Variants in RNF150 observed in about 807,000 individuals in gnomAD.
The protein encoded by RNF150 is ring finger protein 150.
Under a neutral mutation model 39.3 loss-of-function variants are expected in RNF150, and 24 were observed. That is an observed-to-expected ratio of 0.61 (90% CI 0.44 to 0.86). RNF150 has a LOEUF of 0.86. RNF150 is among the 40% of genes least tolerant of loss of function. RNF150 has a pLI of 0.00. For synonymous variants in RNF150, 255 were observed against 227.3 expected (o/e 1.12, Z -1.10); for missense variants, 502 against 587.8 (o/e 0.85, Z 1.51).
intron 1 of RNF150, among the ~76,000 whole-genome samples, chr4:140,970,868 T>C (rs1439103378): frequency 3.3e-5 from 5 of 152,090 alleles, no homozygotes; most frequent in Non-Finnish European, 2.9e-5. Context: ...TCATAATACA[T>C]TTCTAGAGTT....
chr4:140,998,116 T>C (rs531969758), intron 1 of RNF150, among the ~76,000 whole-genome samples: 1 of 152,290 alleles, frequency 6.6e-6, no homozygotes, highest in South Asian at 2.1e-4. Context: ...TTGCTTCAGT[T>C]AGGTAACGCA....
At chr4:140,976,905 T>G (rs980673355) in intron 1 of RNF150, among the ~76,000 whole-genome samples, 1 of 152,050 alleles carries the variant, frequency 6.6e-6, no homozygotes, top group Non-Finnish European at 1.5e-5. Flanking sequence ...GTTGAACACC[T>G]GCTATCACCC....
intron 5 of RNF150, among the ~76,000 whole-genome samples, chr4:140,912,959 T>TAAAAAAAAAAAAAA (rs10616886): frequency 7.2e-6 from 1 of 138,140 alleles, no homozygotes. Flanking sequence ...CATCAGAACA[T>TAAAAAAAAAAAAAA]AAAAAAAAAA....
intron 1 of RNF150, among the ~76,000 whole-genome samples, chr4:141,085,429 G>A (rs1560730427): frequency 6.6e-6 from 1 of 152,156 alleles, no homozygotes; most frequent in Non-Finnish European, 1.5e-5. Flanking sequence ...CTAGCCAGGT[G>A]GACAGACAAT....
rs767812930 is a variant in RNF150, at chr4:140,911,152, G to A, written c.1190C>T (p.Thr397Ile). ...PIPQEGDVIF[T>I]TNSEQEPAVS... Reference sequence around the variant, plus strand: ...AGTATGGCAGAACTCACTGTTAGTAGTAAAGATGACGTCTCCCTCCTGGGG... The same window carrying A: ...AGTATGGCAGAACTCACTGTTAGTAATAAAGATGACGTCTCCCTCCTGGGG... Residue 397 changes from threonine to isoleucine, a missense_variant, in exon 6 of 7, where the codon ACT becomes ATT. By Grantham distance (89) the Thr-to-Ile change is moderately conservative. Transcript: ENST00000515673. 1.9e-6 allele frequency: 3 copies of A among 1,613,082 alleles called. No homozygotes were observed. The highest frequency in any genetic ancestry group is 2.5e-6 in the Non-Finnish European group (3 of 1,179,128).
intron 1 of RNF150, among the ~76,000 whole-genome samples, chr4:141,067,558 G>A (rs985782239): frequency 6.6e-6 from 1 of 152,212 alleles, no homozygotes; most frequent in African/African-American, 2.4e-5. Flanking sequence ...TATATGATCA[G>A]AGATGGGGTA....
intron 1 of RNF150, among the ~76,000 whole-genome samples, chr4:141,171,621 T>C (rs1371186409): frequency 6.6e-6 from 1 of 152,234 alleles, no homozygotes; most frequent in Non-Finnish European, 1.5e-5. Flanking sequence ...GGATGAATGC[T>C]ACTTTTGAGC....
intron 1 of RNF150, among the ~76,000 whole-genome samples, chr4:141,119,361 C>T (rs1726542342): frequency 6.6e-6 from 1 of 152,318 alleles, no homozygotes; most frequent in Non-Finnish European, 1.5e-5. Flanking sequence ...CACATCTAGA[C>T]AGGTAGGATT....
chr4:140,990,224 C>A (rs2111477074), intron 1 of RNF150, among the ~76,000 whole-genome samples: 1 of 152,312 alleles, frequency 6.6e-6, no homozygotes, highest in East Asian at 1.9e-4. Flanking sequence ...GCAGAGTATT[C>A]ATTGTCTGGT....
chr4:140,931,072 G>C (rs948777656), intron 4 of RNF150, among the ~76,000 whole-genome samples: 1 of 151,978 alleles, frequency 6.6e-6, no homozygotes, highest in Non-Finnish European at 1.5e-5. Flanking sequence ...TGTGTGTTTG[G>C]GGTGTGGGGA....
intron 6 of RNF150, among the ~76,000 whole-genome samples, chr4:140,882,910 A>G (rs972960137): frequency 1.3e-5 from 2 of 152,068 alleles, no homozygotes; most frequent in African/African-American, 4.8e-5. Flanking sequence ...GTAATTACTG[A>G]TAGGGAAGTA....
At chr4:141,022,379 T>C (rs1735529796) in intron 1 of RNF150, among the ~76,000 whole-genome samples, 1 of 152,128 alleles carries the variant, frequency 6.6e-6, no homozygotes, top group South Asian at 2.1e-4. Context: ...TTGAGGAATG[T>C]ATAGAGTGAC....
At chr4:140,902,760 T>A (rs745754047) in intron 6 of RNF150, among the ~76,000 whole-genome samples, 2 of 152,232 alleles carry the variant, frequency 1.3e-5, no homozygotes, top group Admixed American at 1.3e-4. Flanking sequence ...CAGGGTCCGC[T>A]GCGTATAGGA....
intron 6 of RNF150, among the ~76,000 whole-genome samples, chr4:140,871,590 A>G (rs1460106300): frequency 6.6e-6 from 1 of 152,174 alleles, no homozygotes; most frequent in Non-Finnish European, 1.5e-5. Flanking sequence ...CTGGAAGTCA[A>G]CCAAAGAGCT....
At chr4:141,060,516 T>C (rs6819144) in intron 1 of RNF150, among the ~76,000 whole-genome samples, 113,465 of 152,140 alleles carry the variant, frequency 0.75, 42,407 homozygotes, top group South Asian at 0.85. Context: ...ATAAGGGTTA[T>C]GGTGGATAAT....
chr4:140,902,203 G>A (rs1332480298), intron 6 of RNF150, among the ~76,000 whole-genome samples: 1 of 152,154 alleles, frequency 6.6e-6, no homozygotes, highest in Non-Finnish European at 1.5e-5. Context: ...GGCACATGGA[G>A]AGATATTTAA....
intron 1 of RNF150, among the ~76,000 whole-genome samples, chr4:141,090,811 GTTTTT>G (rs1020478118): frequency 6.6e-6 from 1 of 151,298 alleles, no homozygotes; most frequent in African/African-American, 2.4e-5. Context: ...TTTTTGTTTT[GTTTTT>G]TTTTCCAGAG....
At chr4:141,136,842 T>C (rs1727035881), upstream of RNF150, among the ~76,000 whole-genome samples, 1 of 152,188 alleles carries the variant, frequency 6.6e-6, no homozygotes, top group Non-Finnish European at 1.5e-5. Context: ...CAACAGAGTA[T>C]GGAAGGGTAA....
intron 1 of RNF150, among the ~76,000 whole-genome samples, chr4:141,186,404 A>C (rs1353056816): frequency 1.3e-5 from 2 of 151,440 alleles, no homozygotes; most frequent in Non-Finnish European, 3.0e-5. Context: ...TTATTCTTTT[A>C]GTCTTGTTTT....
Sources: allele counts gnomAD v4.1 joint callset (sites outside exome capture counted in the v4.1 genomes callset), GRCh38; gene constraint gnomAD v4.1.1; transcripts MANE v1.5; gene names NCBI Gene and HGNC (gene_info 2026-07-23, HGNC 2026-07-21).